DLG2: variants seen among roughly 807,000 people sequenced by gnomAD.
DLG2 encodes the protein disks large homolog 2.
DLG2 carries 45 observed loss-of-function variants against 132.5 expected under a neutral mutation model. That is an observed-to-expected ratio of 0.34 (90% confidence interval 0.27 to 0.44). The LOEUF (loss-of-function observed/expected upper bound fraction) is 0.44, where lower values mean the gene tolerates loss of function less well. Ranked by LOEUF, DLG2 falls within the 20% of genes least tolerant of loss-of-function variation. The pLI, the probability that DLG2 is intolerant of heterozygous loss-of-function variation, is 1.00. For synonymous variants in DLG2, 424 were observed against 419.6 expected (o/e 1.01, Z -0.13); for missense variants, 1,045 against 1,196.9 (o/e 0.87, Z 1.87).
Position 85,534,941 on chromosome 11 carries a change from T to C in DLG2, c.40+63716A>G, listed in dbSNP as rs1204927183. The stretch of plus-strand genomic sequence containing the variant: ...CTGTTTTCCACAAGGGCTAAACTAA[T>C]TTACATTTTCACCAATAGTGTATTA... On this transcript the variant is annotated intron_variant, in intron 3 of 27. Transcript: ENST00000376104. Among the ~76,000 whole-genome samples, 5 of 152,214 alleles carry C rather than the reference T, an allele frequency of 3.3e-5. No individual in the cohort carries two copies. In the South Asian group the frequency reaches 1.0e-3, roughly 32 times the overall value.
intron 6 of DLG2, among the ~76,000 whole-genome samples, chr11:84,805,245 G>A (rs2075857552): frequency 6.6e-6 from 1 of 152,110 alleles, no homozygotes; most frequent in South Asian, 2.1e-4. Context: ...TGTCAACAGA[G>A]ACAGCATGGG....
intron 14 of DLG2, among the ~76,000 whole-genome samples, chr11:83,960,261 T>C (rs1221141399): frequency 6.6e-6 from 1 of 152,034 alleles, no homozygotes; most frequent in Non-Finnish European, 1.5e-5. Context: ...GTAATACTCA[T>C]ACTCATTTAG....
intron 3 of DLG2, among the ~76,000 whole-genome samples, chr11:85,584,566 T>A (rs754278078): frequency 5.3e-5 from 8 of 152,188 alleles, no homozygotes; most frequent in Non-Finnish European, 1.0e-4. Context: ...TACTTTTAGT[T>A]CTTTAAGAAA....
chr11:85,145,168 G>C (rs1374609405), intron 5 of DLG2, among the ~76,000 whole-genome samples: 1 of 151,504 alleles, frequency 6.6e-6, no homozygotes, highest in Non-Finnish European at 1.5e-5. Context: ...ATCTTGGACT[G>C]TCAGATTTCC....
chr11:83,900,542 G>A (rs1052742273), intron 15 of DLG2, among the ~76,000 whole-genome samples: 1 of 152,232 alleles, frequency 6.6e-6, no homozygotes, highest in Non-Finnish European at 1.5e-5. Flanking sequence ...CCAACATAGA[G>A]CTTGGGCTGT....
At chr11:85,099,789 A>G (rs2070553829) in intron 6 of DLG2, among the ~76,000 whole-genome samples, 1 of 152,206 alleles carries the variant, frequency 6.6e-6, no homozygotes, top group African/African-American at 2.4e-5. Flanking sequence ...TAACAATACC[A>G]GATAAAAGAG....
chr11:85,081,087 T>G (rs563171775), intron 6 of DLG2, among the ~76,000 whole-genome samples: 1 of 152,150 alleles, frequency 6.6e-6, no homozygotes, highest in Non-Finnish European at 1.5e-5. Context: ...AGGAATTATT[T>G]TGATAAAACA....
intron 7 of DLG2, among the ~76,000 whole-genome samples, chr11:84,444,663 T>C (rs953292605): frequency 1.3e-5 from 2 of 152,226 alleles, no homozygotes; most frequent in African/African-American, 2.4e-5. Context: ...CTACATTATG[T>C]ATGCTTTATA....
chr11:84,888,108 G>A (rs1023278930), intron 6 of DLG2, among the ~76,000 whole-genome samples: 1 of 152,068 alleles, frequency 6.6e-6, no homozygotes. Context: ...TAAACAAACA[G>A]AAATTTCTCT....
At chr11:84,540,562 G>C (rs2099366085) in intron 6 of DLG2, among the ~76,000 whole-genome samples, 1 of 152,128 alleles carries the variant, frequency 6.6e-6, no homozygotes, top group African/African-American at 2.4e-5. Flanking sequence ...AGACGATGTG[G>C]AGAAATAGGA....
chr11:84,796,494 G>A (rs955591408), intron 6 of DLG2, among the ~76,000 whole-genome samples: 2 of 152,208 alleles, frequency 1.3e-5, no homozygotes, highest in South Asian at 2.1e-4. Context: ...AGTGAGTTTT[G>A]TACTTTTGGA....
chr11:83,776,881 T>A (rs1469936364), intron 18 of DLG2, among the ~76,000 whole-genome samples: 1 of 152,258 alleles, frequency 6.6e-6, no homozygotes, highest in South Asian at 2.1e-4. Context: ...TTTGTTTGTC[T>A]TCGTTTGGTC....
At chr11:84,256,577 C>A (rs921384522) in intron 7 of DLG2, among the ~76,000 whole-genome samples, 10 of 152,158 alleles carry the variant, frequency 6.6e-5, no homozygotes, top group Non-Finnish European at 1.3e-4. Flanking sequence ...AGGTGATTGT[C>A]ATTACGCCAA....
At chr11:85,457,465 T>C (rs976090381) in intron 3 of DLG2, among the ~76,000 whole-genome samples, 1 of 152,226 alleles carries the variant, frequency 6.6e-6, no homozygotes, top group Non-Finnish European at 1.5e-5. Flanking sequence ...TATATGCCAA[T>C]TTGATCCTGT....
chr11:84,925,709 T>C (rs137946702), intron 6 of DLG2, among the ~76,000 whole-genome samples: 85 of 152,318 alleles, frequency 5.6e-4, no homozygotes, highest in African/African-American at 2.0e-3. Flanking sequence ...TAGGCTTCCA[T>C]ACTGCAAGTG....
intron 6 of DLG2, among the ~76,000 whole-genome samples, chr11:85,043,742 C>T (rs2062066564): frequency 6.6e-6 from 1 of 151,828 alleles, no homozygotes; most frequent in African/African-American, 2.4e-5. Context: ...ATCTAACTTT[C>T]TATTAGCTCT....
At chr11:83,805,134 G>A (rs971537052) in intron 17 of DLG2, among the ~76,000 whole-genome samples, 1 of 152,002 alleles carries the variant, frequency 6.6e-6, no homozygotes, top group African/African-American at 2.4e-5. Flanking sequence ...CATTTAAAAG[G>A]CACCTTTCTA....
chr11:84,247,497 G>A (rs2097317082), intron 8 of DLG2, among the ~76,000 whole-genome samples: 1 of 152,024 alleles, frequency 6.6e-6, no homozygotes, highest in Non-Finnish European at 1.5e-5. Context: ...GTTTCTGCTT[G>A]GGTGATTTTA....
chr11:83,548,781 A>C (rs2096302502), intron 19 of DLG2, among the ~76,000 whole-genome samples: 1 of 152,334 alleles, frequency 6.6e-6, no homozygotes, highest in African/African-American at 2.4e-5. Context: ...TTTAAGATAA[A>C]GAAGCTGAGA....
Sources: allele counts gnomAD v4.1 joint callset (sites outside exome capture counted in the v4.1 genomes callset), GRCh38; gene constraint gnomAD v4.1.1; transcripts MANE v1.5; gene names NCBI Gene and HGNC (gene_info 2026-07-23, HGNC 2026-07-21).